RFC2: variants seen among roughly 807,000 people sequenced by gnomAD.
RFC2 encodes A1 40 kDa subunit.
Under a neutral mutation model 44.8 loss-of-function variants are expected in RFC2, and 34 were observed. That is an observed-to-expected ratio of 0.76 (90% CI 0.58 to 1.01). The LOEUF is 1.01. RFC2 is among the 50% of genes least tolerant of loss of function. The pLI is 0.00. For missense variants in RFC2, 400 were observed against 453.6 expected (o/e 0.88, Z 1.07); for synonymous variants, 177 against 168.9 (o/e 1.05, Z -0.37).
intron 6 of RFC2, 22 bp from the exon 7 acceptor site, chr7:74,240,117 G>C: frequency 6.2e-7 from 1 of 1,607,788 alleles, no homozygotes; most frequent in Admixed American, 1.7e-5. Context: ...CGGGACAGTA[G>C]TGAGGCTTCC....
intron 2 of RFC2, 39 bp from the exon 3 acceptor site, chr7:74,249,819 C>T (rs201908314): frequency 2.6e-6 from 4 of 1,565,194 alleles, no homozygotes; most frequent in Non-Finnish European, 3.5e-6. Flanking sequence ...TTAAAACTTG[C>T]TTCTGGATGA....
At chr7:74,239,311 G>GCAGAAGGCACCC (rs1390923024) in intron 7 of RFC2, among the ~76,000 whole-genome samples, 3 of 150,822 alleles carry the variant, frequency 2.0e-5, no homozygotes, top group Admixed American at 2.0e-4. Flanking sequence ...GAGTAGCTGG[G>GCAGAAGGCACCC]ATTACAGGCA....
At position 74,240,110 on chromosome 7, in the gene RFC2, G is replaced by A. The variant is rs199794372; in HGVS notation, c.536-15C>T. On this transcript the variant is annotated splice_polypyrimidine_tract_variant and intron_variant, in intron 6 of 10. Transcript: ENST00000055077. ...CTGAATGGGCTCTGAACAGAGACGGGACAGTAGTGAGGCTTCCCTGCAGAG... is the reference window on the plus strand; with the variant it reads ...CTGAATGGGCTCTGAACAGAGACGGAACAGTAGTGAGGCTTCCCTGCAGAG... 6.8e-6 allele frequency: 11 copies of A among 1,611,022 alleles called. No individual in the cohort carries two copies. The East Asian group carries it at 2.2e-4, about 33-fold the overall frequency.
chr7:74,253,788 G>A, intron 1 of RFC2: 1 of 162,160 alleles, frequency 6.2e-6, no homozygotes, highest in Non-Finnish European at 1.4e-5. Context: ...GGCTGAGGCA[G>A]GGGGATCACT....
intron 6 of RFC2, among the ~76,000 whole-genome samples, chr7:74,241,452 GC>G (rs1803324117): frequency 6.6e-6 from 1 of 152,222 alleles, no homozygotes; most frequent in Non-Finnish European, 1.5e-5. Flanking sequence ...ACTGCTGAGA[GC>G]CCCACCAGGG....
chr7:74,234,648 C>A (rs782401178), intron 10 of RFC2, among the ~76,000 whole-genome samples: 4 of 151,862 alleles, frequency 2.6e-5, no homozygotes, highest in Non-Finnish European at 2.9e-5. Context: ...GAAGATCCCA[C>A]GTGAATGGCT....
At chr7:74,235,898 A>G (rs1256245094) in intron 9 of RFC2, among the ~76,000 whole-genome samples, 3 of 151,902 alleles carry the variant, frequency 2.0e-5, no homozygotes, top group African/African-American at 7.3e-5. Flanking sequence ...GCCTCAAGCA[A>G]TCCTCCTGCC....
intron 10 of RFC2, 33 bp from the exon 11 acceptor site, chr7:74,232,249 T>C: frequency 8.8e-7 from 1 of 1,141,096 alleles, no homozygotes; most frequent in Non-Finnish European, 1.3e-6. Context: ...ATCTGGTTAA[T>C]AAGTGGGGGA....
intron 10 of RFC2, among the ~76,000 whole-genome samples, chr7:74,235,170 G>A (rs1163220781): frequency 1.3e-5 from 2 of 152,212 alleles, no homozygotes; most frequent in Non-Finnish European, 2.9e-5. Flanking sequence ...CCAAGTAGCT[G>A]GGATTATAGG....
Position 74,249,774 on chromosome 7 carries a change from C to A in RFC2, c.190G>T (p.Ala64Ser). The change falls in exon 3 of 11, where the codon GCA becomes TCA. Residue 64 changes from alanine to serine, a missense_variant. Transcript: ENST00000055077. The part of the protein sequence containing the change: ...EDTVSRLEVF[A>S]REGNVPNIII... ...ATGTTGGGCACATTTCCTTCCCTTGCAAAGACCTACGGCGAAAATGATCAT... is the reference window on the plus strand; with the variant it reads ...ATGTTGGGCACATTTCCTTCCCTTGAAAAGACCTACGGCGAAAATGATCAT... 1 of 1,613,572 alleles carries A rather than the reference C, an allele frequency of 6.2e-7. No individual in the cohort carries two copies. Among genetic ancestry groups the A allele is most frequent in the Non-Finnish European group, 8.5e-7 (1 of 1,179,580 alleles).
rs1554718702 is a variant in RFC2, at chr7:74,238,555, C to A, written c.759+368G>T. Reference sequence around the variant, plus strand: ...GGGAACAGCACAGTGCTCCTGCCTGCCCTTTAGGGGCCAGGGGATCCCCTG... The same window carrying A: ...GGGAACAGCACAGTGCTCCTGCCTGACCTTTAGGGGCCAGGGGATCCCCTG... On this transcript the variant is annotated intron_variant, in intron 8 of 10. Transcript: ENST00000055077. The surrounding 1 kb of genome is among the most constrained non-coding windows in gnomAD (Gnocchi z 4.0). Among the ~76,000 whole-genome samples, 1 of 152,000 alleles carries A rather than the reference C, an allele frequency of 6.6e-6. No individual in the cohort carries two copies. The highest frequency in any genetic ancestry group is 2.4e-5 in the African/African-American group (1 of 41,388).
intron 6 of RFC2, among the ~76,000 whole-genome samples, chr7:74,241,443 C>T (rs918638691): frequency 1.3e-5 from 2 of 152,242 alleles, no homozygotes; most frequent in African/African-American, 4.8e-5. Context: ...ATTCTTGACA[C>T]TGCTGAGAGC....
intron 5 of RFC2, 39 bp from the exon 6 acceptor site, chr7:74,243,285 G>T: frequency 7.4e-7 from 1 of 1,352,282 alleles, no homozygotes; most frequent in South Asian, 1.2e-5. Flanking sequence ...GGGACCCAGA[G>T]ACCATGTGAC....
intron 5 of RFC2, 105 bp from the exon 6 acceptor site, chr7:74,243,351 T>C (rs559953580): frequency 6.6e-6 from 5 of 755,026 alleles, no homozygotes; most frequent in South Asian, 3.1e-5. Context: ...ATGTCCTAAA[T>C]GAGGGTCTCA....
At position 74,232,025 on chromosome 7, in the gene RFC2, C is replaced by T. The variant is rs879986835; in HGVS notation, c.*81G>A. Reference sequence around the variant, plus strand: ...CAGTCATGTTGGCTCCAGCCTAAGGCGGCATTTTCCCCCATCAGAAAGCCG... The same window carrying T: ...CAGTCATGTTGGCTCCAGCCTAAGGTGGCATTTTCCCCCATCAGAAAGCCG... On this transcript the variant is annotated 3_prime_UTR_variant, in exon 11 of 11. Coordinates refer to ENST00000055077, the MANE Select transcript of RFC2 (RefSeq NM_181471.3). 9 of 831,160 alleles carry T rather than the reference C, an allele frequency of 1.1e-5. 1 individual carries two copies. Among genetic ancestry groups the T allele is most frequent in the South Asian group, 4.3e-5 (3 of 69,928 alleles). The allele number at this position is 831,160 out of a possible 1,614,324, so 51.5% of individuals were successfully genotyped here. A position where few individuals can be genotyped will look rare whatever the true frequency, so the allele number is the denominator to read the frequency against.
chr7:74,252,098 CAAAAAAA>C (rs140868309), intron 2 of RFC2, among the ~76,000 whole-genome samples: 2 of 21,558 alleles, frequency 9.3e-5, no homozygotes, highest in Non-Finnish European at 1.6e-4. Context: ...GGCTCCATCT[CAAAAAAA>C]AAAAAAAAAA....
At chr7:74,249,328 G>A in intron 3 of RFC2, 2 of 764,878 alleles carry the variant, frequency 2.6e-6, no homozygotes, top group South Asian at 3.4e-5. Context: ...ATCACCTGAG[G>A]TCAGGAGTTC....
chr7:74,237,397 G>C lies in RFC2; in HGVS notation c.805C>G (p.His269Asp), dbSNP rs1443839901. 7 of 1,605,814 alleles carry C rather than the reference G, an allele frequency of 4.4e-6. No homozygotes were observed. The highest frequency in any genetic ancestry group is 5.1e-6 in the Non-Finnish European group (6 of 1,176,558). Residue 269 changes from histidine (H) to aspartate (D), a missense_variant, in exon 9 of 11, where the codon CAC becomes GAC. Physicochemically the swap from His to Asp is moderately conservative, Grantham distance 81 (BLOSUM62 -1). Transcript: ENST00000055077. ...HPLLVKEMIQ[H>D]CVNANIDEAY... is the part of the protein sequence containing the mutation. ...TCGTCAATGTTGGCATTCACACAGT[G>C]CTGGATCATCTCCTTTACCAGCAGT...
chr7:74,249,240 C>A (rs1803796661), intron 3 of RFC2, 122 bp from the exon 4 acceptor site: 1 of 1,543,686 alleles, frequency 6.5e-7, no homozygotes. Context: ...ACCCACAGCA[C>A]ACACAGATCA....
Sources: gnomAD v4.1 joint callset for allele counts (sites outside exome capture counted in the v4.1 genomes callset) on GRCh38, gnomAD v4.1.1 for gene constraint, Gnocchi (gnomAD v3.1) non-coding constraint, MANE v1.5 for transcripts, NCBI Gene and HGNC (gene_info 2026-07-23, HGNC 2026-07-21) for gene names.